Variants in KLHL12 observed in about 807,000 individuals in gnomAD.
KLHL12 encodes the protein kelch like family member 12, also known as kelch-like protein 12.
Under a neutral mutation model 60.8 loss-of-function variants are expected in KLHL12, and 17 were observed. The ratio of observed to expected loss-of-function variants is 0.28; its 90% CI spans 0.19 to 0.42. The LOEUF (loss-of-function observed/expected upper bound fraction) is 0.42. Ranked by LOEUF, KLHL12 falls within the 10% of genes least tolerant of loss-of-function variation. The probability of loss-of-function intolerance (pLI) is 1.00; values close to 1 mark genes in which losing one functional copy is unlikely to be tolerated. For missense variants in KLHL12, 468 were observed against 722.3 expected (o/e 0.65, Z 4.04); for synonymous variants, 220 against 250.9 (o/e 0.88, Z 1.16).
chr1:202,927,155 G>C lies in KLHL12; in HGVS notation c.-112C>G. 3 of 985,386 alleles carry C rather than the reference G, an allele frequency of 3.0e-6. No individual in the cohort carries two copies. Among genetic ancestry groups the C allele is most frequent in the Non-Finnish European group, 3.6e-6 (3 of 829,968 alleles). 61.0% of individuals were successfully genotyped at this position (985,386 alleles called of 1,614,324 possible). On this transcript the variant is annotated 5_prime_UTR_variant, in exon 1 of 12. Transcript: ENST00000367261. ...AGCCTGTGGGGATGGAGTGCGGCGC[G>C]GGGCTAGCAGGCGGCTCGGGAGGAG...
In KLHL12 at chr1:202,925,215, A is replaced by AGGGAAAAAAAAACAG; in HGVS notation, c.-45-9_-45-8insCTGTTTTTTTTTCCC. The AGGGAAAAAAAAACAG allele has an allele frequency of 6.2e-7, 1 of 1,605,114 alleles. No homozygotes were observed. On this transcript the variant is annotated splice_polypyrimidine_tract_variant and intron_variant, in intron 1 of 11. Transcript: ENST00000367261. ...GGTCCTTGGATTCTGCAACTACAAG[A>AGGGAAAAAAAAACAG]GGGAAAAAAAAACAATGAGCATATT...
rs1369998052 is a variant in KLHL12 at position 202,926,398 on chromosome 1, C to T, written c.-46+691G>A. 3.3e-5 allele frequency among the ~76,000 whole-genome samples: 5 copies of T among 152,174 alleles called. No individual in the cohort carries two copies. The East Asian group carries it at 9.6e-4, about 29-fold the overall frequency. ...AAATGAGATCCTAAATTCTCATCTA[C>T]TTCTGTTTGTAGTTGGCATTTTACT... is the stretch of plus-strand genomic sequence containing the variant. On this transcript the variant is annotated intron_variant, in intron 1 of 11. Coordinates refer to ENST00000367261, the MANE Select transcript of KLHL12 (RefSeq NM_021633.4).
At chr1:202,900,977 C>G (rs1010806359) in intron 6 of KLHL12, among the ~76,000 whole-genome samples, 1 of 151,640 alleles carries the variant, frequency 6.6e-6, no homozygotes, top group Non-Finnish European at 1.5e-5. Context: ...ACCTGGGAGG[C>G]GGAGGTTGCA....
rs1659749877 is a variant in KLHL12 at position 202,893,864 on chromosome 1, T to C, written c.1393+320A>G. Reference sequence around the variant, plus strand: ...CACTTCAAAAAGCTCTTGGTGAAGGTAAGTAGCTACTCTTTTGTCCTTATG... The same window carrying C: ...CACTTCAAAAAGCTCTTGGTGAAGGCAAGTAGCTACTCTTTTGTCCTTATG... On this transcript the variant is annotated intron_variant, in intron 10 of 11. Coordinates refer to ENST00000367261, the MANE Select transcript of KLHL12 (RefSeq NM_021633.4). The surrounding 1 kb of genome is among the most constrained non-coding windows in gnomAD (Gnocchi z 4.1). Among the ~76,000 whole-genome samples the C allele has an allele frequency of 6.6e-6, 1 of 152,220 alleles. No individual in the cohort carries two copies. Among genetic ancestry groups the C allele is most frequent in the Non-Finnish European group, 1.5e-5 (1 of 68,040 alleles).
At chr1:202,902,153 C>T (rs1160675089) in intron 6 of KLHL12, among the ~76,000 whole-genome samples, 3 of 152,106 alleles carry the variant, frequency 2.0e-5, no homozygotes, top group Non-Finnish European at 4.4e-5. Context: ...AAATGGGGGC[C>T]GGGCACAGTG....
At chr1:202,927,519 C>CA (rs869139683), upstream of KLHL12, among the ~76,000 whole-genome samples, 463 of 52,788 alleles carry the variant, frequency 8.8e-3, 19 homozygotes, top group African/African-American at 0.033. Context: ...CCCGTTTCTA[C>CA]AAAAAAAAAA....
At chr1:202,896,831 C>G in intron 7 of KLHL12, 23 bp downstream of exon 7, 1 of 1,533,634 alleles carries the variant, frequency 6.5e-7, no homozygotes, top group East Asian at 2.2e-5. Flanking sequence ...TCCCTCCCAA[C>G]GAATGGTTTC....
intron 2 of KLHL12, 136 bp downstream of exon 2, chr1:202,924,832 G>T: frequency 2.0e-6 from 2 of 976,330 alleles, no homozygotes; most frequent in Non-Finnish European, 1.5e-6. Context: ...CTAAGTGGTA[G>T]ATCTTATCCA....
At chr1:202,914,796 C>T (rs1166735765) in intron 4 of KLHL12, 1 of 148,500 alleles carries the variant, frequency 6.7e-6, no homozygotes, top group Non-Finnish European at 1.5e-5. Context: ...ACCCAGGAGG[C>T]AGAGATTGCG....
intron 4 of KLHL12, among the ~76,000 whole-genome samples, chr1:202,915,757 A>G (rs1414278725): frequency 6.6e-6 from 1 of 152,220 alleles, no homozygotes; most frequent in Admixed American, 6.5e-5. Context: ...GTTAAACTCC[A>G]ATCTTCACTT....
chr1:202,914,661 T>C (rs1571535808), intron 4 of KLHL12, among the ~76,000 whole-genome samples: 1 of 148,582 alleles, frequency 6.7e-6, no homozygotes, highest in South Asian at 2.1e-4. Context: ...AGGTCAGGAG[T>C]TTGAGACGAG....
chr1:202,899,752 G>A (rs1659947595), intron 6 of KLHL12, among the ~76,000 whole-genome samples: 1 of 151,328 alleles, frequency 6.6e-6, no homozygotes. Flanking sequence ...CTTGAACTGA[G>A]GAAGAGGTTG....
At position 202,925,039 on chromosome 1, in the gene KLHL12, T is replaced by C. The variant is rs1360318556; in HGVS notation, c.124A>G (p.Lys42Glu). The change falls in exon 2 of 12, where the codon AAA becomes GAA. Residue 42 changes from lysine (K) to glutamate (E), a missense_variant. Coordinates refer to ENST00000367261, the MANE Select transcript of KLHL12 (RefSeq NM_021633.4). Reference protein sequence around the residue: ...LCDVTLRVEQKDFPAHRIVLA... With the variant: ...LCDVTLRVEQEDFPAHRIVLA... ...ACAATCCGATGGGCAGGGAAGTCTT[T>C]CTGCTCTACTCTCAATGTCACATCA... The C allele has an allele frequency of 2.5e-6, 4 of 1,614,180 alleles. No homozygotes were observed. Among genetic ancestry groups the C allele is most frequent in the Non-Finnish European group, 2.5e-6 (3 of 1,180,006 alleles).
At chr1:202,905,298 A>G (rs1021378273) in intron 6 of KLHL12, among the ~76,000 whole-genome samples, 2 of 152,256 alleles carry the variant, frequency 1.3e-5, no homozygotes, top group African/African-American at 4.8e-5. Context: ...ACTGATTCAC[A>G]AAAATTTTCA....
chr1:202,898,441 A>C (rs920867891), intron 6 of KLHL12, among the ~76,000 whole-genome samples: 12 of 152,196 alleles, frequency 7.9e-5, no homozygotes, highest in African/African-American at 2.9e-4. Context: ...AATTATCATC[A>C]ATTGCTGGGC....
In KLHL12 at chr1:202,909,147, G is replaced by A. The variant is rs772518399; in HGVS notation, c.718-23C>T. On this transcript the variant is annotated intron_variant, in intron 5 of 11. Coordinates refer to ENST00000367261, the MANE Select transcript of KLHL12 (RefSeq NM_021633.4). The surrounding 1 kb of genome is among the most constrained non-coding windows in gnomAD (Gnocchi z 4.1). ...AGGCTGAAATATAGCAGACAGCAGAGTTAGGCACTGGGGATACCTGTAATA... is the reference window on the plus strand; with the variant it reads ...AGGCTGAAATATAGCAGACAGCAGAATTAGGCACTGGGGATACCTGTAATA... 1 of 1,438,574 alleles carries A rather than the reference G, an allele frequency of 7.0e-7. No individual in the cohort carries two copies. Among genetic ancestry groups the A allele is most frequent in the Non-Finnish European group, 9.8e-7 (1 of 1,020,304 alleles). The allele number at this position is 1,438,574 out of a possible 1,614,324, so 89.1% of individuals were successfully genotyped here.
chr1:202,897,194 C>A (rs187249478), intron 6 of KLHL12, among the ~76,000 whole-genome samples: 2 of 150,606 alleles, frequency 1.3e-5, no homozygotes, highest in African/African-American at 4.9e-5. Context: ...CTCTAGAAAG[C>A]AAACTTCAAC....
At position 202,909,756 on chromosome 1, in the gene KLHL12, T is replaced by C. The variant is rs1660301011; in HGVS notation, c.718-632A>G. 6.6e-6 allele frequency among the ~76,000 whole-genome samples: 1 copy of C among 152,138 alleles called. No homozygotes were observed. Among genetic ancestry groups the C allele is most frequent in the South Asian group, 2.1e-4 (1 of 4,816 alleles). ...GATCAGCCCAACCAAAGGTCAAGGTTTCTCTCAAGGCAGTGACTCTACACG... is the reference window on the plus strand; with the variant it reads ...GATCAGCCCAACCAAAGGTCAAGGTCTCTCTCAAGGCAGTGACTCTACACG... On this transcript the variant is annotated intron_variant, in intron 5 of 11. Transcript: ENST00000367261. This position sits in a 1 kb window ranked among gnomAD's most constrained non-coding sequence, Gnocchi z 4.1.
chr1:202,896,996 A>C (rs777162279), intron 6 of KLHL12, 36 bp from the exon 7 acceptor site: 38 of 1,508,496 alleles, frequency 2.5e-5, no homozygotes, highest in Non-Finnish European at 3.4e-5. Context: ...GGGTTAGTTC[A>C]GCATCCCTGG....
Sources: gnomAD v4.1 joint callset for allele counts (sites outside exome capture counted in the v4.1 genomes callset) on GRCh38, gnomAD v4.1.1 for gene constraint, Gnocchi (gnomAD v3.1) non-coding constraint, MANE v1.5 for transcripts, NCBI Gene and HGNC (gene_info 2026-07-23, HGNC 2026-07-21) for gene names.